The following PRDM1 variants were observed in gnomAD, a reference collection of about 807,000 sequenced individuals.
PRDM1 encodes PR/SET domain 1, also known as PR domain zinc finger protein 1.
In PRDM1, 13 loss-of-function variants were observed where a neutral mutation model predicts 62.8. The ratio of observed to expected loss-of-function variants is 0.21; its 90% confidence interval spans 0.13 to 0.33. PRDM1 has a LOEUF of 0.33. PRDM1 is among the 10% of genes least tolerant of loss of function. PRDM1 has a pLI of 1.00. For synonymous variants in PRDM1, 396 were observed against 417.6 expected (o/e 0.95, Z 0.63); for missense variants, 895 against 1,058.8 (o/e 0.85, Z 2.15).
At chr6:106,050,115 C>T (rs1773149184) in intron 1 of PRDM1, among the ~76,000 whole-genome samples, 1 of 152,164 alleles carries the variant, frequency 6.6e-6, no homozygotes, top group African/African-American at 2.4e-5. Flanking sequence ...TCTTACTGGG[C>T]CTCTGCTTCT....
At chr6:106,058,006 G>C (rs1773290755) in intron 1 of PRDM1, among the ~76,000 whole-genome samples, 2 of 152,202 alleles carry the variant, frequency 1.3e-5, no homozygotes, top group African/African-American at 4.8e-5. Context: ...GGCACCACTT[G>C]ATTGTATAGG....
At chr6:106,046,640 A>C (rs1773081179), upstream of PRDM1, 1 of 152,058 alleles carries the variant, frequency 6.6e-6, no homozygotes, top group South Asian at 2.1e-4. Context: ...GGCTGTTGAC[A>C]CAGGCCTCTT....
intron 1 of PRDM1, among the ~76,000 whole-genome samples, chr6:106,032,278 C>T (rs1011680843): frequency 5.3e-5 from 8 of 152,060 alleles, no homozygotes; most frequent in African/African-American, 1.9e-4. Flanking sequence ...CCTGCCTAAG[C>T]CTCCCCAGTA....
Position 105,994,579 on chromosome 6 carries a change from G to A in PRDM1, c.-67+940G>A, listed in dbSNP as rs905673930. On this transcript the variant is annotated intron_variant, in intron 1 of 6. Coordinates refer to the PRDM1 transcript ENST00000652320. This position sits in a 1 kb window ranked among gnomAD's most constrained non-coding sequence, Gnocchi z 4.1. Reference sequence around the variant, plus strand: ...CGAATGCTGAGTTCATTTGGACGAGGTGAGGAGAACTAGGGTCCTAACAGC... The same window carrying A: ...CGAATGCTGAGTTCATTTGGACGAGATGAGGAGAACTAGGGTCCTAACAGC... 2.6e-5 allele frequency among the ~76,000 whole-genome samples: 4 copies of A among 152,204 alleles called. No homozygotes were observed.
intron 1 of PRDM1, among the ~76,000 whole-genome samples, chr6:106,035,581 A>G (rs1193150591): frequency 6.6e-6 from 1 of 152,194 alleles, no homozygotes; most frequent in Non-Finnish European, 1.5e-5. Context: ...GTGAGCTATG[A>G]TAATGCCACA....
intron 2 of PRDM1, among the ~76,000 whole-genome samples, chr6:106,095,243 G>C (rs1774079142): frequency 6.6e-6 from 1 of 152,306 alleles, no homozygotes; most frequent in Admixed American, 6.5e-5. Context: ...ACTAGGAACA[G>C]GCTGAAATGG....
At chr6:106,045,272 T>C (rs1160083765), upstream of PRDM1, among the ~76,000 whole-genome samples, 1 of 152,146 alleles carries the variant, frequency 6.6e-6, no homozygotes, top group African/African-American at 2.4e-5. Flanking sequence ...AGAGGGCAGA[T>C]TGGGTGTCTG....
At chr6:106,038,412 T>C (rs1772951476) in intron 1 of PRDM1, among the ~76,000 whole-genome samples, 1 of 152,214 alleles carries the variant, frequency 6.6e-6, no homozygotes, top group African/African-American at 2.4e-5. Context: ...TCACTGGGCA[T>C]GTGTGGTGAC....
At chr6:106,044,247 T>C (rs1012825714), upstream of PRDM1, among the ~76,000 whole-genome samples, 3 of 151,566 alleles carry the variant, frequency 2.0e-5, no homozygotes, top group African/African-American at 7.3e-5. Context: ...TTGCTAACAT[T>C]CTATGAGTCT....
rs1253971279 is a variant in PRDM1 at position 106,062,540 on chromosome 6, C to CA, written c.-67+13832dup. Among the ~76,000 whole-genome samples the CA allele has an allele frequency of 4.6e-5, 7 of 152,260 alleles. No individual in the cohort carries two copies. In the South Asian group the frequency reaches 8.3e-4, roughly 18 times the overall value. On this transcript the variant is annotated intron_variant, in intron 1 of 6. Coordinates refer to the PRDM1 transcript ENST00000651185. ...TAAAGTAATTTTAGTGGGATGTATA[C>CA]AAAAAATATTGGCTGCACCTGGCCC... is the stretch of plus-strand genomic sequence containing the variant.
chr6:106,007,821 T>C (rs1035195118), intron 1 of PRDM1, among the ~76,000 whole-genome samples: 1 of 152,160 alleles, frequency 6.6e-6, no homozygotes, highest in African/African-American at 2.4e-5. Flanking sequence ...AACGACTTTC[T>C]CCAGCTCCAA....
chr6:106,000,394 G>A (rs1048886142), intron 1 of PRDM1, among the ~76,000 whole-genome samples: 1 of 152,126 alleles, frequency 6.6e-6, no homozygotes, highest in Non-Finnish European at 1.5e-5. Flanking sequence ...GCTGCTGTGA[G>A]CTATGATAGT....
At chr6:106,000,038 A>G (rs547335797) in intron 1 of PRDM1, among the ~76,000 whole-genome samples, 4 of 152,080 alleles carry the variant, frequency 2.6e-5, no homozygotes, top group African/African-American at 9.6e-5. Flanking sequence ...TTTAATAGAG[A>G]TGAGGTTTCA....
chr6:106,054,483 T>C (rs1463966667), intron 1 of PRDM1, among the ~76,000 whole-genome samples: 1 of 152,186 alleles, frequency 6.6e-6, no homozygotes, highest in Non-Finnish European at 1.5e-5. Context: ...AAGATTTTCT[T>C]TTAAGAATAT....
At chr6:106,060,882 C>T (rs1223869880) in intron 1 of PRDM1, among the ~76,000 whole-genome samples, 3 of 151,912 alleles carry the variant, frequency 2.0e-5, no homozygotes, top group African/African-American at 7.3e-5. Flanking sequence ...GGGAGGATGA[C>T]AGTGAGCCAG....
At chr6:106,060,775 T>C (rs1005217966) in intron 1 of PRDM1, among the ~76,000 whole-genome samples, 1 of 151,940 alleles carries the variant, frequency 6.6e-6, no homozygotes, top group Non-Finnish European at 1.5e-5. Flanking sequence ...CTTCATGGCA[T>C]GATGGCCATT....
At chr6:106,018,640 A>T (rs2114556666) in intron 1 of PRDM1, among the ~76,000 whole-genome samples, 1 of 152,162 alleles carries the variant, frequency 6.6e-6, no homozygotes, top group Non-Finnish European at 1.5e-5. Context: ...AATGTCCTTC[A>T]ATTGAAATAT....
chr6:106,043,479 T>A (rs1312607740), intron 1 of PRDM1, among the ~76,000 whole-genome samples: 1 of 152,200 alleles, frequency 6.6e-6, no homozygotes, highest in East Asian at 1.9e-4. Context: ...AAGACATAGA[T>A]CTAATTATTA....
intron 1 of PRDM1, among the ~76,000 whole-genome samples, chr6:106,052,519 C>T (rs1244333208): frequency 1.3e-5 from 2 of 151,946 alleles, no homozygotes; most frequent in African/African-American, 2.4e-5. Context: ...TTACCTTATC[C>T]GATTGTGGCA....
Sources: gnomAD v4.1 joint callset for allele counts (sites outside exome capture counted in the v4.1 genomes callset) on GRCh38, gnomAD v4.1.1 for gene constraint, Gnocchi (gnomAD v3.1) non-coding constraint, MANE v1.5 for transcripts, NCBI Gene and HGNC (gene_info 2026-07-23, HGNC 2026-07-21) for gene names.